PRAP1: variants seen among roughly 807,000 people sequenced by gnomAD.
PRAP1 encodes the protein proline rich acidic protein 1.
Under a neutral mutation model 14.6 loss-of-function variants are expected in PRAP1, and 12 were observed. The observed-to-expected ratio is 0.82, with a 90% CI of 0.53 to 1.33. The LOEUF is 1.33. PRAP1 is among the 40% of genes most tolerant of loss of function. PRAP1 has a pLI of 0.00. For synonymous variants in PRAP1, 81 were observed against 80.3 expected (o/e 1.01, Z -0.04); for missense variants, 160 against 193.7 (o/e 0.83, Z 1.03).
rs1275567544 is a variant in PRAP1, at chr10:133,352,541, A to T, written c.*101A>T. 17 of 1,076,246 alleles carry T rather than the reference A, an allele frequency of 1.6e-5. No homozygotes were observed. The highest frequency in any genetic ancestry group is 2.2e-5 in the Non-Finnish European group (16 of 739,760). 66.7% of individuals were successfully genotyped at this position (1,076,246 alleles called of 1,614,324 possible). ...CCCAGCTAGACAAATAAACCCCAGC[A>T]GGCCGGGCGCGGTGGCTCACCTCTG... On this transcript the variant is annotated 3_prime_UTR_variant, in exon 5 of 5. Transcript: ENST00000433452.
Position 133,352,429 on chromosome 10 carries a change from C to T in PRAP1, c.445C>T (p.His149Tyr). The T allele has an allele frequency of 6.2e-7, 1 of 1,612,446 alleles. No individual in the cohort carries two copies. The highest frequency in any genetic ancestry group is 1.3e-5 in the African/African-American group (1 of 75,020). The change falls in exon 5 of 5, where the codon CAC becomes TAC. Residue 149 changes from histidine (H) to tyrosine (Y), a missense_variant. Coordinates refer to ENST00000433452, the MANE Select transcript of PRAP1 (RefSeq NM_145202.5). ...GGAGGAAGACCAAGACCACATCTAC[C>T]ACCCCCAGTAGGGCTCCAGGGGCCA... Reference protein sequence around the residue: ...GPEEDQDHIYHPQ With the variant: ...GPEEDQDHIYYPQ
intron 1 of PRAP1, among the ~76,000 whole-genome samples, chr10:133,348,323 G>A (rs368107157): frequency 1.1e-4 from 16 of 152,114 alleles, no homozygotes; most frequent in Admixed American, 3.3e-4. Flanking sequence ...ACCAGGTCCC[G>A]GCCCCGGGCT....
At position 133,351,428 on chromosome 10, in the gene PRAP1, A is replaced by G; in HGVS notation, c.123A>G (p.Pro41=). The part of the protein sequence containing the change: ...QVKHWPSEQD[P]EKAWGARVVE... ...AACACTGGCCCTCAGAGCAGGACCC[A>G]GAGAAGTAAGTCCCCCCAACCCCAC... Residue 41 remains proline (P), a synonymous_variant, in exon 3 of 5, where the codon CCA becomes CCG. Transcript: ENST00000433452. The surrounding 1 kb of genome is among the most constrained non-coding windows in gnomAD (Gnocchi z 4.3). 4 of 1,608,412 alleles carry G rather than the reference A, an allele frequency of 2.5e-6. No homozygotes were observed. The South Asian group carries it at 4.4e-5, about 18-fold the overall frequency.
In PRAP1 at chr10:133,351,984, A is replaced by G. The variant is rs1258581879; in HGVS notation, c.129-23A>G. ...GTCCACCTCCCCCACCTGCATGTGG[A>G]CCTGACCAAACTGTGCCAGCAGGGC... On this transcript the variant is annotated intron_variant, in intron 3 of 4. Coordinates refer to ENST00000433452, the MANE Select transcript of PRAP1 (RefSeq NM_145202.5). The surrounding 1 kb of genome is among the most constrained non-coding windows in gnomAD (Gnocchi z 4.3). 8 of 1,610,092 alleles carry G rather than the reference A, an allele frequency of 5.0e-6. No homozygotes were observed. The highest frequency in any genetic ancestry group is 6.8e-6 in the Non-Finnish European group (8 of 1,179,340).
chr10:133,349,091 C>G (rs1848632596), intron 1 of PRAP1, among the ~76,000 whole-genome samples: 2 of 149,644 alleles, frequency 1.3e-5, no homozygotes, highest in Non-Finnish European at 3.0e-5. Context: ...TGCACCACAT[C>G]ACACACGCAC....
chr10:133,352,228 T>TG lies in PRAP1; in HGVS notation c.263-19_263-18insG. On this transcript the variant is annotated intron_variant, in intron 4 of 4. Transcript: ENST00000433452. ...TCGGGAAAGAAACTGAGACTATACC[T>TG]TCATGTGCTTGTCCCTAGGCACCAA... The TG allele has an allele frequency of 6.2e-7, 1 of 1,612,164 alleles. No homozygotes were observed. The highest frequency in any genetic ancestry group is 8.5e-7 in the Non-Finnish European group (1 of 1,179,460).
In PRAP1 at chr10:133,350,271, G is replaced by A. The variant is rs74164152; in HGVS notation, c.75+110G>A. 1,655 of 940,734 alleles carry A rather than the reference G, an allele frequency of 1.8e-3. 29 individuals are homozygous for A. In the African/African-American group the frequency reaches 0.024, roughly 14 times the overall value. The allele number at this position is 940,734 out of a possible 1,614,324, so 58.3% of individuals were successfully genotyped here. On this transcript the variant is annotated intron_variant, in intron 2 of 4. Transcript: ENST00000433452. The stretch of plus-strand genomic sequence containing the variant: ...TCTTCTGGCTTCAAACCCCAAGCTG[G>A]CTTAGGGGAGAGAGGCATGGGTACG...
In PRAP1 at chr10:133,352,577, A is replaced by C; in HGVS notation, c.*137A>C. ...GGTGGCTCACCTCTGTAATCCCAGC[A>C]CTTTTAGAGGCCGAGGCAGGCGGAT... On this transcript the variant is annotated 3_prime_UTR_variant, in exon 5 of 5. Transcript: ENST00000433452. 1 of 702,494 alleles carries C rather than the reference A, an allele frequency of 1.4e-6. No homozygotes were observed. Among genetic ancestry groups the C allele is most frequent in the Non-Finnish European group, 2.4e-6 (1 of 418,054 alleles). 43.5% of individuals were successfully genotyped at this position (702,494 alleles called of 1,614,324 possible). A position where few individuals can be genotyped will look rare whatever the true frequency, so the allele number is the denominator to read the frequency against.
chr10:133,350,195 T>A, intron 2 of PRAP1, 34 bp downstream of exon 2: 1 of 1,590,314 alleles, frequency 6.3e-7, no homozygotes, highest in Non-Finnish European at 8.6e-7. Context: ...GGGCAGCAAC[T>A]CCAGTTGTCA....
At chr10:133,350,030 T>TGCTGCCTGGAGTTCTGGGC in intron 1 of PRAP1, 65 bp from the exon 2 acceptor site, 1 of 1,453,214 alleles carries the variant, frequency 6.9e-7, no homozygotes, top group Non-Finnish European at 9.5e-7. Context: ...CCCATCAGGG[T>TGCTGCCTGGAGTTCTGGGC]GCTGCCTGGA....
At position 133,347,958 on chromosome 10, in the gene PRAP1, C is replaced by T. The variant is rs1444339688; in HGVS notation, c.8+533C>T. 1.3e-5 allele frequency among the ~76,000 whole-genome samples: 2 copies of T among 152,160 alleles called. No individual in the cohort carries two copies. The highest frequency in any genetic ancestry group is 2.1e-4 in the South Asian group (1 of 4,824). On this transcript the variant is annotated intron_variant, in intron 1 of 4. Coordinates refer to ENST00000433452, the MANE Select transcript of PRAP1 (RefSeq NM_145202.5). The surrounding 1 kb of genome is among the most constrained non-coding windows in gnomAD (Gnocchi z 5.0). ...GTGGAGGTGCCCTCCTCCTCTTCCC[C>T]CTCCTCTAAGCCAGGGCCCTCCCTG...
chr10:133,349,893 G>C (rs577401066), intron 1 of PRAP1, among the ~76,000 whole-genome samples: 22 of 152,354 alleles, frequency 1.4e-4, no homozygotes, highest in African/African-American at 4.8e-4. Flanking sequence ...TGGCCTGAGG[G>C]GGGCTGGAGG....
At chr10:133,350,523 G>T (rs1227283575) in intron 2 of PRAP1, 1 of 237,862 alleles carries the variant, frequency 4.2e-6, no homozygotes, top group East Asian at 9.1e-5. Flanking sequence ...TGGAACAGGT[G>T]ATCCCAGATG....
chr10:133,349,101 C>T (rs975234694), intron 1 of PRAP1, among the ~76,000 whole-genome samples: 11 of 150,970 alleles, frequency 7.3e-5, no homozygotes, highest in Admixed American at 2.0e-4. Flanking sequence ...CACACACGCA[C>T]GCACACACAG....
intron 1 of PRAP1, among the ~76,000 whole-genome samples, chr10:133,348,406 G>A (rs1848618604): frequency 6.6e-6 from 1 of 152,208 alleles, no homozygotes; most frequent in African/African-American, 2.4e-5. Context: ...AAAGGTCCCT[G>A]TGGAGCTGCA....
Position 133,349,963 on chromosome 10 carries a change from A to G in PRAP1, c.9-132A>G, listed in dbSNP as rs116577512. On this transcript the variant is annotated intron_variant, in intron 1 of 4. Transcript: ENST00000433452. ...TGCGTGTCTTGGCCCATGTGAGCAC[A>G]GTCCAGTAAAACTACCTGCGCTCCC... 3.0e-3 allele frequency: 2,157 copies of G among 714,168 alleles called. 34 individuals carry two copies. The African/African-American group carries it at 0.035, about 12-fold the overall frequency. 44.2% of individuals were successfully genotyped at this position (714,168 alleles called of 1,614,324 possible).
chr10:133,347,744 T>A lies in PRAP1; in HGVS notation c.8+319T>A, dbSNP rs1464124372. On this transcript the variant is annotated intron_variant, in intron 1 of 4. Transcript: ENST00000433452. The surrounding 1 kb of genome is among the most constrained non-coding windows in gnomAD (Gnocchi z 5.0). The stretch of plus-strand genomic sequence containing the variant: ...TGTGACTGCCCAAAAGGAAGGGGGC[T>A]GGGGGAGGGGAGGGGCTGGGGCGCA... Among the ~76,000 whole-genome samples, 1 of 26,860 alleles carries A rather than the reference T, an allele frequency of 3.7e-5. No individual in the cohort carries two copies. Among genetic ancestry groups the A allele is most frequent in the East Asian group, 7.3e-4 (1 of 1,370 alleles). The allele number at this position is 26,860 out of a possible 152,430, so 17.6% of individuals were successfully genotyped here. A position where few individuals can be genotyped will look rare whatever the true frequency, so the allele number is the denominator to read the frequency against.
In PRAP1 at chr10:133,350,164, A is replaced by G. The variant is rs1278611669; in HGVS notation, c.75+3A>G. ...CAGGTGCAGTCCCAGCACCCAAGGTAGGTGTGAGCCCCTCCCATCTGGGCA... is the reference window on the plus strand; with the variant it reads ...CAGGTGCAGTCCCAGCACCCAAGGTGGGTGTGAGCCCCTCCCATCTGGGCA... On this transcript the variant is annotated splice_donor_region_variant and intron_variant, in intron 2 of 4. Coordinates refer to ENST00000433452, the MANE Select transcript of PRAP1 (RefSeq NM_145202.5). 6.2e-7 allele frequency: 1 copy of G among 1,612,958 alleles called. No individual in the cohort carries two copies. The highest frequency in any genetic ancestry group is 1.7e-5 in the Admixed American group (1 of 59,956).
chr10:133,350,806 C>T (rs966250561), intron 2 of PRAP1: 40 of 155,484 alleles, frequency 2.6e-4, no homozygotes, highest in African/African-American at 8.6e-4. Context: ...AGCCCCCCCA[C>T]GGTGCTGGTC....
Sources: allele counts gnomAD v4.1 joint callset (sites outside exome capture counted in the v4.1 genomes callset), GRCh38; gene constraint gnomAD v4.1.1; non-coding constraint Gnocchi (gnomAD v3.1); transcripts MANE v1.5; gene names NCBI Gene and HGNC (gene_info 2026-07-23, HGNC 2026-07-21).